MAPK8IP3: variants seen among roughly 807,000 people sequenced by gnomAD.
The protein encoded by MAPK8IP3 is mitogen-activated protein kinase 8 interacting protein 3, also known as C-Jun-amino-terminal kinase-interacting protein 3.
A neutral mutation model predicts 157.8 loss-of-function variants in MAPK8IP3; 49 were observed. That is an observed-to-expected ratio of 0.31 (90% confidence interval 0.25 to 0.39). The LOEUF (loss-of-function observed/expected upper bound fraction) is 0.39, where lower values mean the gene tolerates loss of function less well. Ranked by LOEUF, MAPK8IP3 falls within the 10% of genes least tolerant of loss-of-function variation. MAPK8IP3 has a pLI of 1.00. For missense variants in MAPK8IP3, 1,478 were observed against 1,889.4 expected (o/e 0.78, Z 4.04); for synonymous variants, 897 against 777.7 (o/e 1.15, Z -2.55).
At chr16:1,756,138 C>A (rs1202887182) in intron 8 of MAPK8IP3, among the ~76,000 whole-genome samples, 1 of 152,108 alleles carries the variant, frequency 6.6e-6, no homozygotes, top group Non-Finnish European at 1.5e-5. Context: ...AGTCACAGGG[C>A]TGAAAAGTAC....
At position 1,727,990 on chromosome 16, in the gene MAPK8IP3, C is replaced by A. The variant is rs541253357; in HGVS notation, c.440-1148C>A. On this transcript the variant is annotated intron_variant, in intron 2 of 31. Coordinates refer to ENST00000610761, the MANE Select transcript of MAPK8IP3 (RefSeq NM_001318852.2). ...TGGTGGAGCACCTTACCAGCTGAGT[C>A]CCGGCCACGCACTCCCTGGGGCTGT... Among the ~76,000 whole-genome samples the A allele has an allele frequency of 3.9e-5, 6 of 152,358 alleles. No homozygotes were observed. In the South Asian group the frequency reaches 1.2e-3, roughly 32 times the overall value.
intron 11 of MAPK8IP3, 99 bp downstream of exon 11, chr16:1,760,114 G>C: frequency 7.5e-7 from 1 of 1,326,868 alleles, no homozygotes; most frequent in Non-Finnish European, 1.1e-6. Flanking sequence ...GGAGCACCTG[G>C]CTCCAACGCC....
At chr16:1,759,552 C>T (rs1381348827) in intron 10 of MAPK8IP3, among the ~76,000 whole-genome samples, 1 of 152,218 alleles carries the variant, frequency 6.6e-6, no homozygotes, top group Non-Finnish European at 1.5e-5. Context: ...CCCAGCCCTG[C>T]TGGCCCTGCC....
At chr16:1,738,201 TCC>T (rs2040206030) in intron 4 of MAPK8IP3, among the ~76,000 whole-genome samples, 1 of 93,396 alleles carries the variant, frequency 1.1e-5, no homozygotes, top group African/African-American at 4.7e-5. Context: ...CGTGTGACCG[TCC>T]GTGTGTGTGA....
At chr16:1,752,398 A>T (rs1227832910) in intron 8 of MAPK8IP3, 2 of 270,946 alleles carry the variant, frequency 7.4e-6, no homozygotes, top group Non-Finnish European at 1.5e-5. Flanking sequence ...TGCTCTTGGG[A>T]GTAACAGACC....
chr16:1,764,896 C>A (rs1224775013), intron 19 of MAPK8IP3, 117 bp from the exon 20 acceptor site: 10 of 978,882 alleles, frequency 1.0e-5, no homozygotes, highest in Non-Finnish European at 1.5e-5. Flanking sequence ...ACAGCCATGT[C>A]CCCTCAAGCT....
intron 4 of MAPK8IP3, among the ~76,000 whole-genome samples, chr16:1,737,517 TCC>T (rs2040073163): frequency 1.1e-5 from 1 of 89,130 alleles, no homozygotes; most frequent in Non-Finnish European, 2.3e-5. Context: ...CGTGTGACCG[TCC>T]GTGTGAGTGT....
intron 1 of MAPK8IP3, among the ~76,000 whole-genome samples, chr16:1,708,679 C>T (rs556232444): frequency 5.3e-4 from 81 of 152,142 alleles, no homozygotes; most frequent in Non-Finnish European, 8.4e-4. Context: ...CACCTTTAGT[C>T]TGAGACCCAC....
chr16:1,766,227 G>A lies in MAPK8IP3; in HGVS notation c.2637G>A (p.Val879=). ...TCACCTCTCCTAACACAGGGGAGGTGGCCACCATCGCCAACGGGAAGGTCA... is the reference window on the plus strand; with the variant it reads ...TCACCTCTCCTAACACAGGGGAGGTAGCCACCATCGCCAACGGGAAGGTCA... The part of the protein sequence containing the change: ...TPVLDKGQGE[V]ATIANGKVNP... The change falls in exon 22 of 32, where the codon GTG becomes GTA. Residue 879 remains valine, a synonymous_variant. Coordinates refer to ENST00000610761, the MANE Select transcript of MAPK8IP3 (RefSeq NM_001318852.2). The A allele has an allele frequency of 6.2e-7, 1 of 1,609,274 alleles. No homozygotes were observed. Among genetic ancestry groups the A allele is most frequent in the Non-Finnish European group, 8.5e-7 (1 of 1,177,900 alleles).
intron 10 of MAPK8IP3, among the ~76,000 whole-genome samples, chr16:1,759,434 G>A (rs766958000): frequency 6.6e-6 from 1 of 152,168 alleles, no homozygotes; most frequent in Non-Finnish European, 1.5e-5. Context: ...GGGTTTCTGG[G>A]GCATGCTTGC....
intron 16 of MAPK8IP3, among the ~76,000 whole-genome samples, chr16:1,763,433 C>T (rs547076758): frequency 1.2e-4 from 18 of 152,344 alleles, no homozygotes; most frequent in Admixed American, 7.2e-4. Flanking sequence ...CCAGCTGTGG[C>T]CTCCAAGCCC....
intron 1 of MAPK8IP3, among the ~76,000 whole-genome samples, chr16:1,707,010 C>G (rs1567129096): frequency 6.6e-6 from 1 of 151,552 alleles, no homozygotes. Flanking sequence ...TGCCTGGCGT[C>G]ATCCCCGGGG....
rs2037702358 is a variant in MAPK8IP3, at chr16:1,710,502, AATAAATGTC to A, written c.318+3848_318+3856del. Among the ~76,000 whole-genome samples, 1 of 152,056 alleles carries A rather than the reference AATAAATGTC, an allele frequency of 6.6e-6. No homozygotes were observed. Among genetic ancestry groups the A allele is most frequent in the African/African-American group, 2.4e-5 (1 of 41,394 alleles). On this transcript the variant is annotated intron_variant, in intron 1 of 31. Coordinates refer to ENST00000610761, the MANE Select transcript of MAPK8IP3 (RefSeq NM_001318852.2). This position sits in a 1 kb window ranked among gnomAD's most constrained non-coding sequence, Gnocchi z 4.1. ...ATAAATAAATAGATAAAAATAAATAAATAAATGTCATCCATTTCATAGACTATTTGGGTA... is the reference window on the plus strand; with the variant it reads ...ATAAATAAATAGATAAAAATAAATAAATCCATTTCATAGACTATTTGGGTA...
intron 2 of MAPK8IP3, 22 bp from the exon 3 acceptor site, chr16:1,729,116 A>C: frequency 1.2e-6 from 2 of 1,611,526 alleles, no homozygotes; most frequent in African/African-American, 2.7e-5. Context: ...TGTGCGGCTC[A>C]GACAGTGATT....
At chr16:1,734,359 G>T (rs981745601) in intron 4 of MAPK8IP3, among the ~76,000 whole-genome samples, 31 of 152,206 alleles carry the variant, frequency 2.0e-4, no homozygotes, top group Non-Finnish European at 1.5e-5. Flanking sequence ...CATCACCAGC[G>T]CACGGAATCG....
intron 8 of MAPK8IP3, 76 bp from the exon 9 acceptor site, chr16:1,758,072 T>G: frequency 7.0e-7 from 1 of 1,422,188 alleles, no homozygotes; most frequent in Non-Finnish European, 9.9e-7. Flanking sequence ...AATAAGAATG[T>G]ATTGTTAGTT....
chr16:1,767,791 G>A lies in MAPK8IP3; in HGVS notation c.3410-14G>A, dbSNP rs370187707. 1.0e-3 allele frequency: 1,673 copies of A among 1,611,252 alleles called. 29 individuals carry two copies. The South Asian group carries it at 0.017, about 16-fold the overall frequency. On this transcript the variant is annotated splice_polypyrimidine_tract_variant and intron_variant, in intron 27 of 31. Transcript: ENST00000610761. ...GTGCTCAAGGCCAGCCACCCTGACCGCTCTCCCCCACAGGCACTGGCAAGC... is the reference window on the plus strand; with the variant it reads ...GTGCTCAAGGCCAGCCACCCTGACCACTCTCCCCCACAGGCACTGGCAAGC...
In MAPK8IP3 at chr16:1,762,222, C is replaced by T. The variant is rs144363669; in HGVS notation, c.1540-129C>T. ...CCCGCTTGCCGACACCCCTCCACAC[C>T]GCTTCTTGCCTGAGGATCTGAAGGA... On this transcript the variant is annotated intron_variant, in intron 13 of 31. Coordinates refer to ENST00000610761, the MANE Select transcript of MAPK8IP3 (RefSeq NM_001318852.2). 88 of 1,278,814 alleles carry T rather than the reference C, an allele frequency of 6.9e-5. No individual in the cohort carries two copies. The African/African-American group carries it at 1.2e-3, about 17-fold the overall frequency. The allele number at this position is 1,278,814 out of a possible 1,614,324, so 79.2% of individuals were successfully genotyped here.
chr16:1,764,200 C>T lies in MAPK8IP3; in HGVS notation c.2111C>T (p.Pro704Leu). The change falls in exon 18 of 32, where the codon CCC (proline) becomes CTC (leucine). Residue 704 changes from proline (P) to leucine (L), a missense_variant. By Grantham distance (98) the Pro-to-Leu change is moderately conservative. This residue lies in a region of MAPK8IP3 where 669 missense variants were observed against 759.8 expected (regional missense o/e 0.88). Coordinates refer to ENST00000610761, the MANE Select transcript of MAPK8IP3 (RefSeq NM_001318852.2). Reference protein sequence around the residue: ...VYCRPLVEKDPTMKLWCAAGV... With the variant: ...VYCRPLVEKDLTMKLWCAAGV... ...TGCCGCCCTCTGGTGGAGAAGGACC[C>T]CACCATGAAGGTGAGCCCGCGAGGA... The T allele has an allele frequency of 6.2e-6, 10 of 1,611,152 alleles. No homozygotes were observed. The highest frequency in any genetic ancestry group is 1.1e-5 in the South Asian group (1 of 91,016).
Sources: allele counts gnomAD v4.1 joint callset (sites outside exome capture counted in the v4.1 genomes callset), GRCh38; gene constraint gnomAD v4.1.1; regional missense constraint gnomAD v4.1.1; non-coding constraint Gnocchi (gnomAD v3.1); transcripts MANE v1.5; gene names NCBI Gene and HGNC (gene_info 2026-07-23, HGNC 2026-07-21).